PCDHGA5: variants seen among roughly 807,000 people sequenced by gnomAD.
PCDHGA5 encodes the protein protocadherin gamma subfamily A, 5.
A neutral mutation model predicts 56.7 loss-of-function variants in PCDHGA5; 36 were observed. The ratio of observed to expected loss-of-function variants is 0.64; its 90% CI spans 0.49 to 0.84. The LOEUF (loss-of-function observed/expected upper bound fraction) is 0.84, where lower values mean the gene tolerates loss of function less well. Ranked by LOEUF, PCDHGA5 falls within the 40% of genes least tolerant of loss-of-function variation. PCDHGA5 has a pLI of 0.00. For synonymous variants in PCDHGA5, 563 were observed against 520.2 expected (o/e 1.08, Z -1.12); for missense variants, 1,305 against 1,201.5 (o/e 1.09, Z -1.27).
At chr5:141,452,858 T>C (rs904455495) in intron 1 of PCDHGA5, among the ~76,000 whole-genome samples, 1 of 152,202 alleles carries the variant, frequency 6.6e-6, no homozygotes. Flanking sequence ...GGGGAGATGA[T>C]TTTCTAACTC....
intron 1 of PCDHGA5, chr5:141,415,428 G>C (rs948747218): frequency 1.2e-6 from 2 of 1,614,088 alleles, no homozygotes; most frequent in Non-Finnish European, 1.7e-6. Context: ...ACGGGGTTCG[G>C]GCTTTCCTGC....
At chr5:141,502,914 T>G (rs78646636) in intron 2 of PCDHGA5, among the ~76,000 whole-genome samples, 4,865 of 139,540 alleles carry the variant, frequency 0.035, 119 homozygotes, top group South Asian at 0.075. Flanking sequence ...CAGGCTGGAG[T>G]GCAGTGGCAA....
At chr5:141,407,316 G>A (rs2094914682) in intron 1 of PCDHGA5, among the ~76,000 whole-genome samples, 1 of 152,094 alleles carries the variant, frequency 6.6e-6, no homozygotes, top group Non-Finnish European at 1.5e-5. Flanking sequence ...TTCATACTTA[G>A]TATTTATAAA....
chr5:141,500,176 A>ATTTT (rs1468241826), intron 2 of PCDHGA5, among the ~76,000 whole-genome samples: 91 of 145,916 alleles, frequency 6.2e-4, no homozygotes, highest in African/African-American at 2.3e-3. Context: ...CATGAGCTTC[A>ATTTT]TTTTTATTTT....
At chr5:141,419,918 G>C (rs370039875) in intron 1 of PCDHGA5, 30 of 1,613,978 alleles carry the variant, frequency 1.9e-5, no homozygotes, top group Non-Finnish European at 2.5e-5. Flanking sequence ...CTCCCAGGCT[G>C]AGATGCAGTT....
intron 2 of PCDHGA5, among the ~76,000 whole-genome samples, chr5:141,501,184 C>T (rs1209222790): frequency 6.6e-6 from 1 of 152,002 alleles, no homozygotes; most frequent in Non-Finnish European, 1.5e-5. Context: ...CATTTTAACA[C>T]AATTAAATTC....
Position 141,493,508 on chromosome 5 carries a change from C to T in PCDHGA5, c.2422-1299C>T, listed in dbSNP as rs2099748607. 1.3e-5 allele frequency among the ~76,000 whole-genome samples: 2 copies of T among 152,284 alleles called. No homozygotes were observed. The highest frequency in any genetic ancestry group is 4.1e-4 in the South Asian group (2 of 4,820). On this transcript the variant is annotated intron_variant, in intron 1 of 3. Transcript: ENST00000518069. The surrounding 1 kb of genome is among the most constrained non-coding windows in gnomAD (Gnocchi z 4.3). Reference sequence around the variant, plus strand: ...TCTTCTGTGGCTCCTCATTTCTGAGCAGTCCCCGCAGCGCAAACTTGGCCA... The same window carrying T: ...TCTTCTGTGGCTCCTCATTTCTGAGTAGTCCCCGCAGCGCAAACTTGGCCA...
intron 1 of PCDHGA5, chr5:141,382,643 A>G (rs1179734699): frequency 2.5e-6 from 1 of 392,566 alleles, no homozygotes; most frequent in Non-Finnish European, 4.5e-6. Flanking sequence ...TGGTGCAGTA[A>G]CTTAGTAAGG....
At chr5:141,384,809 C>T (rs1780535972) in intron 1 of PCDHGA5, 1 of 1,613,250 alleles carries the variant, frequency 6.2e-7, no homozygotes, top group African/African-American at 1.3e-5. Context: ...GACAGAGATG[C>T]CCTCAAGCAG....
rs1488431310 is a variant in PCDHGA5, at chr5:141,365,934, G to A, written c.1604G>A (p.Ser535Asn). The change falls in exon 1 of 4, where the codon AGC (serine) becomes AAC (asparagine). Residue 535 changes from serine (S) to asparagine (N), a missense_variant. Coordinates refer to ENST00000518069, the MANE Select transcript of PCDHGA5 (RefSeq NM_018918.3). ...GACCTACAGTTGTGGGTGACAGCCA[G>A]CGACAGTGGGAACCCTCCACTTAGC... ...LRDLQLWVTASDSGNPPLSSN... is the reference protein window; with the variant it reads ...LRDLQLWVTANDSGNPPLSSN... 1 of 1,614,116 alleles carries A rather than the reference G, an allele frequency of 6.2e-7. No homozygotes were observed. The highest frequency in any genetic ancestry group is 8.5e-7 in the Non-Finnish European group (1 of 1,180,052).
chr5:141,419,240 G>C (rs753956971), intron 1 of PCDHGA5: 1 of 1,613,980 alleles, frequency 6.2e-7, no homozygotes, highest in South Asian at 1.1e-5. Flanking sequence ...CCTGGTCCAC[G>C]TGCCAGAAAA....
chr5:141,405,370 G>T (rs2094649512), intron 1 of PCDHGA5: 1 of 1,606,236 alleles, frequency 6.2e-7, no homozygotes, highest in Non-Finnish European at 8.5e-7. Context: ...ACACCCCTTT[G>T]GTTCCGGTGA....
chr5:141,501,945 T>G (rs1318749969), intron 2 of PCDHGA5, among the ~76,000 whole-genome samples: 5 of 152,106 alleles, frequency 3.3e-5, no homozygotes, highest in African/African-American at 1.2e-4. Context: ...CACTGCTCCC[T>G]GTGACAGGTC....
At chr5:141,403,227 G>A (rs2094378929) in intron 1 of PCDHGA5, 4 of 1,608,848 alleles carry the variant, frequency 2.5e-6, no homozygotes, top group African/African-American at 1.3e-5. Flanking sequence ...AGGATAGACC[G>A]GGAGGAGCTC....
chr5:141,388,424 G>T, intron 1 of PCDHGA5: 2 of 1,613,812 alleles, frequency 1.2e-6, no homozygotes, highest in Non-Finnish European at 1.7e-6. Flanking sequence ...ATTTCTCACT[G>T]ATAAATAAAG....
At chr5:141,473,988 G>T (rs1006988447) in intron 1 of PCDHGA5, among the ~76,000 whole-genome samples, 2 of 152,118 alleles carry the variant, frequency 1.3e-5, no homozygotes, top group Middle Eastern at 3.2e-3. Context: ...AGGATCCCTT[G>T]AGCCCAAGGA....
chr5:141,495,603 C>T (rs2099762369), intron 2 of PCDHGA5, among the ~76,000 whole-genome samples: 1 of 152,238 alleles, frequency 6.6e-6, no homozygotes, highest in Non-Finnish European at 1.5e-5. Flanking sequence ...TAGCTTCCGT[C>T]TTGATTGCTG....
chr5:141,472,856 C>T (rs1251907207), intron 1 of PCDHGA5, among the ~76,000 whole-genome samples: 5 of 150,296 alleles, frequency 3.3e-5, no homozygotes, highest in East Asian at 2.0e-4. Flanking sequence ...CATGGTGGCA[C>T]ATGCCTGTAT....
intron 1 of PCDHGA5, among the ~76,000 whole-genome samples, chr5:141,459,692 G>A (rs891511502): frequency 2.6e-5 from 4 of 152,134 alleles, no homozygotes; most frequent in African/African-American, 9.7e-5. Flanking sequence ...AAAGCGTTCC[G>A]CTTGCTACAT....
Sources: gnomAD v4.1 joint callset for allele counts (sites outside exome capture counted in the v4.1 genomes callset) on GRCh38, gnomAD v4.1.1 for gene constraint, Gnocchi (gnomAD v3.1) non-coding constraint, MANE v1.5 for transcripts, NCBI Gene and HGNC (gene_info 2026-07-23, HGNC 2026-07-21) for gene names.